TRPC5: variants seen among roughly 807,000 people sequenced by gnomAD.
The protein encoded by TRPC5 is transient receptor potential cation channel subfamily C member 5, also known as short transient receptor potential channel 5.
TRPC5 carries 9 observed loss-of-function variants against 56.5 expected under a neutral mutation model. The ratio of observed to expected loss-of-function variants is 0.16; its 90% CI spans 0.10 to 0.28. The LOEUF (loss-of-function observed/expected upper bound fraction) is 0.28. TRPC5 is among the 10% of genes least tolerant of loss of function. The pLI, the probability that TRPC5 is intolerant of heterozygous loss-of-function variation, is 1.00. For synonymous variants in TRPC5, 282 were observed against 278.5 expected (o/e 1.01, Z -0.13); for missense variants, 469 against 748.9 (o/e 0.63, Z 4.36).
intron 7 of TRPC5, among the ~76,000 whole-genome samples, chrX:111,802,147 G>A (rs1921330506): frequency 8.9e-6 from 1 of 111,761 alleles, no homozygotes; most frequent in African/African-American, 3.2e-5. Context: ...TTTCTCCATT[G>A]AATTGTCTTG....
chrX:111,878,671 T>C (rs1448900108), intron 3 of TRPC5, among the ~76,000 whole-genome samples: 1 of 111,386 alleles, frequency 9.0e-6, no homozygotes, highest in Non-Finnish European at 1.9e-5. Context: ...TCTCCAGACA[T>C]TGCCAAATGC....
At chrX:111,849,423 G>T (rs919554705) in intron 5 of TRPC5, among the ~76,000 whole-genome samples, 4 of 112,494 alleles carry the variant, frequency 3.6e-5, no homozygotes, top group Non-Finnish European at 7.5e-5. Context: ...TGGGCTCTAT[G>T]GTTCCCATCA....
chrX:111,778,142 T>A (rs755757503), intron 10 of TRPC5, among the ~76,000 whole-genome samples: 80 of 110,449 alleles, frequency 7.2e-4, no homozygotes, highest in Non-Finnish European at 1.2e-3. Context: ...CACAGGGGCC[T>A]GTCAGGTGGT....
chrX:111,945,978 A>T (rs1263967337), intron 2 of TRPC5, among the ~76,000 whole-genome samples: 1 of 112,631 alleles, frequency 8.9e-6, no homozygotes, highest in Non-Finnish European at 1.9e-5. Context: ...GATGGCTCCC[A>T]AGTAAACAAA....
At chrX:112,028,371 A>G (rs1929480545) in intron 1 of TRPC5, among the ~76,000 whole-genome samples, 1 of 111,060 alleles carries the variant, frequency 9.0e-6, no homozygotes, top group African/African-American at 3.3e-5. Context: ...GGTTTGCTGC[A>G]CGCATCAACT....
intron 3 of TRPC5, among the ~76,000 whole-genome samples, chrX:111,907,112 G>GA (rs746535996): frequency 0.025 from 1,782 of 70,317 alleles, 46 homozygotes; most frequent in Admixed American, 0.11. Context: ...AAGGTCATTT[G>GA]AAAAAAAAAA....
chrX:111,780,858 G>A (rs1209897345), intron 9 of TRPC5, among the ~76,000 whole-genome samples: 1 of 111,241 alleles, frequency 9.0e-6, no homozygotes, highest in East Asian at 2.8e-4. Context: ...ATGTACAGTA[G>A]GTACTCTCAT....
intron 7 of TRPC5, among the ~76,000 whole-genome samples, chrX:111,809,739 C>T (rs1921638422): frequency 9.0e-6 from 1 of 111,318 alleles, no homozygotes; most frequent in East Asian, 2.9e-4. Context: ...GGCTTCTATT[C>T]AGTCATCTTG....
chrX:111,866,742 T>C (rs1183771397), intron 3 of TRPC5, among the ~76,000 whole-genome samples: 1 of 112,286 alleles, frequency 8.9e-6, no homozygotes, highest in Non-Finnish European at 1.9e-5. Flanking sequence ...TTCTGAATTT[T>C]TTCATTCAGT....
chrX:111,995,672 C>A (rs1412367222), intron 1 of TRPC5, among the ~76,000 whole-genome samples: 1 of 111,571 alleles, frequency 9.0e-6, no homozygotes, highest in Non-Finnish European at 1.9e-5. Flanking sequence ...AGAGATTCAA[C>A]TTCTTCCTAG....
intron 1 of TRPC5, among the ~76,000 whole-genome samples, chrX:111,979,630 C>G (rs973840253): frequency 9.0e-6 from 1 of 111,120 alleles, no homozygotes; most frequent in Non-Finnish European, 1.9e-5. Context: ...AAAATTGAAA[C>G]AAATAATCTG....
At chrX:111,946,051 ATGACT>A (rs1459175518) in intron 2 of TRPC5, among the ~76,000 whole-genome samples, 4 of 112,394 alleles carry the variant, frequency 3.6e-5, no homozygotes, top group African/African-American at 1.3e-4. Context: ...TTACAGACAT[ATGACT>A]TATCACAGAG....
rs187529653 is a variant in TRPC5, at chrX:111,768,589, T to C, written c.*7724A>G. On this transcript the variant is annotated 3_prime_UTR_variant, in exon 11 of 11. Transcript: ENST00000262839. ...CTTGAGAAGGATGTGTTTATCCTTA[T>C]CTGAAGTGTCCTGGGGAAGGTCTGT... Among the ~76,000 whole-genome samples, 1 of 112,353 alleles carries C rather than the reference T, an allele frequency of 8.9e-6. No individual in the cohort carries two copies. Among genetic ancestry groups the C allele is most frequent in the East Asian group, 2.8e-4 (1 of 3,593 alleles).
At chrX:111,961,870 G>C (rs370202614) in intron 1 of TRPC5, among the ~76,000 whole-genome samples, 9 of 111,658 alleles carry the variant, frequency 8.1e-5, no homozygotes, top group African/African-American at 2.6e-4. Context: ...ATCAACAGTT[G>C]ACTGGATTTA....
chrX:111,943,749 A>G (rs1926845363), intron 2 of TRPC5, among the ~76,000 whole-genome samples: 1 of 112,090 alleles, frequency 8.9e-6, no homozygotes, highest in Non-Finnish European at 1.9e-5. Context: ...AGGAAGGATG[A>G]CTTTGAGGTC....
chrX:112,049,754 C>A lies in TRPC5; in HGVS notation c.-22+32125G>T, dbSNP rs377148022. Among the ~76,000 whole-genome samples, 26 of 111,616 alleles carry A rather than the reference C, an allele frequency of 2.3e-4. 1 individual carries two copies. Among genetic ancestry groups the A allele is most frequent in the East Asian group, 1.1e-3 (4 of 3,573 alleles). On this transcript the variant is annotated intron_variant, in intron 1 of 10. Transcript: ENST00000262839. ...TAGGATTTGGTCCAACAATTCATATCATTCCAAAGAATTTGAGGTGCTGTG... is the reference window on the plus strand; with the variant it reads ...TAGGATTTGGTCCAACAATTCATATAATTCCAAAGAATTTGAGGTGCTGTG...
intron 2 of TRPC5, among the ~76,000 whole-genome samples, chrX:111,928,043 T>C (rs1330491912): frequency 9.0e-6 from 1 of 111,053 alleles, no homozygotes; most frequent in Non-Finnish European, 1.9e-5. Context: ...CGCCTGGGCC[T>C]GAATAACATC....
intron 2 of TRPC5, among the ~76,000 whole-genome samples, chrX:111,944,303 T>TGTGAGAGA (rs1173179815): frequency 1.5e-4 from 9 of 61,388 alleles, no homozygotes; most frequent in South Asian, 6.3e-4. Context: ...TGTGTGTGTG[T>TGTGAGAGA]GAGAGAGAGA....
At chrX:111,843,084 A>G (rs1922808738) in intron 6 of TRPC5, among the ~76,000 whole-genome samples, 1 of 112,396 alleles carries the variant, frequency 8.9e-6, no homozygotes, top group Non-Finnish European at 1.9e-5. Flanking sequence ...TGGGTGAAGG[A>G]TTTACAGATT....
Sources: gnomAD v4.1 joint callset for allele counts (sites outside exome capture counted in the v4.1 genomes callset) on GRCh38, gnomAD v4.1.1 for gene constraint, MANE v1.5 for transcripts, NCBI Gene and HGNC (gene_info 2026-07-23, HGNC 2026-07-21) for gene names.